Variants in DCDC2 observed in about 807,000 individuals in gnomAD.
DCDC2 encodes doublecortin domain-containing protein 2.
Under a neutral mutation model 50.2 loss-of-function variants are expected in DCDC2, and 40 were observed. That is an observed-to-expected ratio of 0.80 (90% confidence interval 0.62 to 1.04). The LOEUF is 1.04. DCDC2 is among the 50% of genes least tolerant of loss of function. The probability of loss-of-function intolerance (pLI) is 0.00; values close to 1 mark genes in which losing one functional copy is unlikely to be tolerated. For missense variants in DCDC2, 570 were observed against 581.9 expected (o/e 0.98, Z 0.21); for synonymous variants, 234 against 210.6 (o/e 1.11, Z -0.96).
At chr6:24,178,302 C>T (rs759153113) in intron 9 of DCDC2, 28 bp downstream of exon 9, 2 of 1,600,502 alleles carry the variant, frequency 1.2e-6, no homozygotes, top group Middle Eastern at 1.7e-4. Context: ...CATGCATTCA[C>T]ATAAGCAAGC....
At chr6:24,246,557 GC>G (rs566647402) in intron 7 of DCDC2, among the ~76,000 whole-genome samples, 1,709 of 124,566 alleles carry the variant, frequency 0.014, 32 homozygotes, top group African/African-American at 0.046. Context: ...CGTGATCTCA[GC>G]TCACTACAAC....
rs548166406 is a variant in DCDC2, at chr6:24,306,527, T to C, written c.349-4483A>G. Among the ~76,000 whole-genome samples the C allele has an allele frequency of 1.6e-4, 22 of 141,808 alleles. No homozygotes were observed. The South Asian group carries it at 3.5e-3, about 23-fold the overall frequency. The allele number at this position is 141,808 out of a possible 152,430, so 93.0% of individuals were successfully genotyped here. On this transcript the variant is annotated intron_variant, in intron 2 of 9. Transcript: ENST00000378454. ...ATAGATAGATAGATAGATAGATAGA[T>C]AGATAGATAGATAGATAGACAGACA...
intron 2 of DCDC2, among the ~76,000 whole-genome samples, chr6:24,342,384 A>G (rs1535331): frequency 0.078 from 11,830 of 152,280 alleles, 734 homozygotes; most frequent in East Asian, 0.34. Flanking sequence ...GAACTCTCTG[A>G]AACAGGAAAT....
chr6:24,381,955 A>AG, the DCDC2 span, among the ~76,000 whole-genome samples: 3 of 96,970 alleles, frequency 3.1e-5, no homozygotes, highest in African/African-American at 1.1e-4. Context: ...GAAGAAGGAA[A>AG]GAAAGAAGGA....
In DCDC2 at chr6:24,331,129, T is replaced by C. The variant is rs144715511; in HGVS notation, c.348+22440A>G. The stretch of plus-strand genomic sequence containing the variant: ...ATGAAATATCGCCCCTTCTATAAAA[T>C]CTTTCCTATCTAACTGGAAGACGGG... On this transcript the variant is annotated intron_variant, in intron 2 of 9. Coordinates refer to ENST00000378454, the MANE Select transcript of DCDC2 (RefSeq NM_016356.5). Among the ~76,000 whole-genome samples the C allele has an allele frequency of 2.5e-3, 380 of 152,258 alleles. 1 individual carries two copies. The highest frequency in any genetic ancestry group is 8.4e-3 in the African/African-American group (351 of 41,554).
intron 2 of DCDC2, among the ~76,000 whole-genome samples, chr6:24,351,236 G>A (rs184227284): frequency 2.0e-5 from 3 of 152,306 alleles, no homozygotes; most frequent in South Asian, 2.1e-4. Context: ...AGCAGACTTC[G>A]GAGGGTGAAG....
rs542309600 is a variant in DCDC2, at chr6:24,285,676, C to T, written c.759+3176G>A. ...ACAAATGAGCAAGAAATAAAAATTG[C>T]ATGTGTGTACCTACACATGCATTTT... On this transcript the variant is annotated intron_variant, in intron 6 of 9. Transcript: ENST00000378454. Among the ~76,000 whole-genome samples, 57 of 152,306 alleles carry T rather than the reference C, an allele frequency of 3.7e-4. No homozygotes were observed. In the South Asian group the frequency reaches 4.8e-3, roughly 13 times the overall value.
intron 7 of DCDC2, among the ~76,000 whole-genome samples, chr6:24,226,292 T>C (rs1561897840): frequency 6.6e-6 from 1 of 152,200 alleles, no homozygotes; most frequent in Non-Finnish European, 1.5e-5. Flanking sequence ...ACATAATAGA[T>C]GCCACAATAA....
chr6:24,317,796 T>TAA (rs145124008), intron 2 of DCDC2, among the ~76,000 whole-genome samples: 8 of 147,166 alleles, frequency 5.4e-5, no homozygotes, highest in African/African-American at 1.0e-4. Context: ...TTTATACAAA[T>TAA]AAAAAAAAAA....
rs1760870530 is a variant in DCDC2 at position 24,174,964 on chromosome 6, G to A, written c.1327-130C>T. 3 of 488,906 alleles carry A rather than the reference G, an allele frequency of 6.1e-6. No individual in the cohort carries two copies. In the East Asian group the frequency reaches 9.9e-5, roughly 16 times the overall value. 30.3% of individuals were successfully genotyped at this position (488,906 alleles called of 1,614,324 possible). ...TATTTAACTAAAAAGAGTTCCTGGG[G>A]TTCCCTTTGTTTTTTTGTCTATCAT... On this transcript the variant is annotated intron_variant, in intron 9 of 9. Transcript: ENST00000378454.
chr6:24,375,768 G>T, the DCDC2 span, among the ~76,000 whole-genome samples: 2 of 152,302 alleles, frequency 1.3e-5, no homozygotes, highest in East Asian at 3.9e-4. Context: ...GATTAGAACA[G>T]TGCCTAGCAT....
intron 7 of DCDC2, among the ~76,000 whole-genome samples, chr6:24,216,026 G>C (rs943474111): frequency 6.6e-6 from 1 of 152,158 alleles, no homozygotes; most frequent in Non-Finnish European, 1.5e-5. Context: ...GGAAGGGGAT[G>C]GGGGTGGTTA....
Position 24,308,116 on chromosome 6 carries a change from T to G in DCDC2, c.349-6072A>C, listed in dbSNP as rs561909004. On this transcript the variant is annotated intron_variant, in intron 2 of 9. Transcript: ENST00000378454. ...ATGAATTCTTCCCCATGGGGCCTTC[T>G]TCAAGTGCACGGAAGTGTAACAAAA... Among the ~76,000 whole-genome samples, 261 of 152,326 alleles carry G rather than the reference T, an allele frequency of 1.7e-3. 2 individuals are homozygous for G. The highest frequency in any genetic ancestry group is 5.7e-3 in the African/African-American group (236 of 41,574).
intron 6 of DCDC2, among the ~76,000 whole-genome samples, chr6:24,286,023 A>T (rs144726410): frequency 1.7e-3 from 266 of 152,344 alleles, no homozygotes; most frequent in African/African-American, 6.1e-3. Flanking sequence ...CCCTAAATTC[A>T]TGAGTTTTAT....
intron 7 of DCDC2, among the ~76,000 whole-genome samples, chr6:24,241,824 T>C (rs1392184228): frequency 6.6e-6 from 1 of 152,252 alleles, no homozygotes; most frequent in South Asian, 2.1e-4. Context: ...GAATAGAATA[T>C]ATGAGTGTAC....
At chr6:24,189,828 A>G (rs1013423797) in intron 8 of DCDC2, among the ~76,000 whole-genome samples, 1 of 152,126 alleles carries the variant, frequency 6.6e-6, no homozygotes, top group Non-Finnish European at 1.5e-5. Flanking sequence ...CAAATTTGGG[A>G]AAGTGTGTGG....
At chr6:24,229,240 G>A (rs1226158501) in intron 7 of DCDC2, among the ~76,000 whole-genome samples, 1 of 152,196 alleles carries the variant, frequency 6.6e-6, no homozygotes, top group Non-Finnish European at 1.5e-5. Flanking sequence ...GGCAGAATCT[G>A]TGACCTTGTC....
rs1215460417 is a variant in DCDC2 at position 24,357,736 on chromosome 6, G to T, written c.15C>A (p.Ser5Arg). The T allele has an allele frequency of 1.4e-5, 22 of 1,612,326 alleles. No individual in the cohort carries two copies. The highest frequency in any genetic ancestry group is 1.9e-5 in the Non-Finnish European group (22 of 1,179,380). The change falls in exon 1 of 10, where the codon AGC becomes AGA. Residue 5 changes from serine to arginine, a missense_variant. Physicochemically the swap from Ser to Arg is moderately radical, Grantham distance 110. Transcript: ENST00000378454. ...GCTGAGACAGGTGGCTGGACCTGGC[G>T]CTGCTGCCGCTCATCTTCCCCGCTG... MSGS[S>R]ARSSHLSQPV...
rs1277809211 is a variant in DCDC2 at position 24,172,452 on chromosome 6, C to T, written c.*2278G>A. On this transcript the variant is annotated 3_prime_UTR_variant, in exon 10 of 10. Coordinates refer to ENST00000378454, the MANE Select transcript of DCDC2 (RefSeq NM_016356.5). Reference sequence around the variant, plus strand: ...ATTCATGTAAAATATCAATGTTGTGCTTCATTAAAATGACGCTTAAGGTGT... The same window carrying T: ...ATTCATGTAAAATATCAATGTTGTGTTTCATTAAAATGACGCTTAAGGTGT... 1 of 151,932 alleles carries T rather than the reference C, an allele frequency of 6.6e-6. No homozygotes were observed. The highest frequency in any genetic ancestry group is 1.5e-5 in the Non-Finnish European group (1 of 68,004). 9.4% of individuals were successfully genotyped at this position (151,932 alleles called of 1,614,324 possible). A position where few individuals can be genotyped will look rare whatever the true frequency, so the allele number is the denominator to read the frequency against.
Sources: allele counts gnomAD v4.1 joint callset (sites outside exome capture counted in the v4.1 genomes callset), GRCh38; gene constraint gnomAD v4.1.1; transcripts MANE v1.5; gene names NCBI Gene and HGNC (gene_info 2026-07-23, HGNC 2026-07-21).